ANO10: variants seen among roughly 807,000 people sequenced by gnomAD.
ANO10 encodes the protein anoctamin 10.
A neutral mutation model predicts 74.7 loss-of-function variants in ANO10; 77 were observed. That is an observed-to-expected ratio of 1.03 (90% CI 0.86 to 1.25). ANO10 has a LOEUF of 1.25. Ranked by LOEUF, ANO10 falls within the 50% of genes most tolerant of loss-of-function variation. ANO10 has a pLI of 0.00. For synonymous variants in ANO10, 279 were observed against 284.9 expected, an observed-to-expected ratio of 0.98 and a Z score of 0.21; for missense variants, 721 against 778.1, an observed-to-expected ratio of 0.93 and a Z score of 0.87.
At chr3:43,690,895 C>T (rs886058486) in intron 1 of ANO10, 9 of 1,332,528 alleles carry the variant, frequency 6.8e-6, no homozygotes, top group African/African-American at 1.5e-5. Context: ...CATGCGCTGG[C>T]GGCCTGCGCC....
At chr3:43,691,335 C>G (rs1000879220) in intron 1 of ANO10, 2 of 265,402 alleles carry the variant, frequency 7.5e-6, no homozygotes, top group African/African-American at 4.5e-5. Flanking sequence ...GTATAAGCCA[C>G]CCCGCGGGCC....
intron 1 of ANO10, among the ~76,000 whole-genome samples, chr3:43,681,532 A>T (rs140977196): frequency 0.083 from 12,691 of 152,076 alleles, 726 homozygotes; most frequent in South Asian, 0.21. Context: ...GACAGAAAGT[A>T]AACAAGGATA....
At chr3:43,557,323 T>G (rs894751362) in intron 9 of ANO10, among the ~76,000 whole-genome samples, 3 of 152,088 alleles carry the variant, frequency 2.0e-5, no homozygotes, top group African/African-American at 7.2e-5. Flanking sequence ...GATCAAACAA[T>G]AGATTTACAA....
intron 1 of ANO10, among the ~76,000 whole-genome samples, chr3:43,646,000 GT>G (rs1199787294): frequency 1.3e-5 from 2 of 151,950 alleles, no homozygotes; most frequent in Non-Finnish European, 2.9e-5. Flanking sequence ...GTAAAAAGGG[GT>G]TTTGCCATGT....
rs553753820 is a variant in ANO10 at position 43,618,909 on chromosome 3, C to A, written c.-12+3000G>T. Among the ~76,000 whole-genome samples, 24 of 152,246 alleles carry A rather than the reference C, an allele frequency of 1.6e-4. No homozygotes were observed. The East Asian group carries it at 4.6e-3, about 29-fold the overall frequency. On this transcript the variant is annotated intron_variant, in intron 1 of 12. Coordinates refer to ENST00000292246, the MANE Select transcript of ANO10 (RefSeq NM_018075.5). ...CTCCGCCTCCCGGGTTCACGCCATTCTCCTGCCTCAGCCTCCCGAGTAGCT... is the reference window on the plus strand; with the variant it reads ...CTCCGCCTCCCGGGTTCACGCCATTATCCTGCCTCAGCCTCCCGAGTAGCT...
intron 4 of ANO10, among the ~76,000 whole-genome samples, chr3:43,592,954 G>A (rs1030171542): frequency 6.6e-6 from 1 of 152,198 alleles, no homozygotes; most frequent in Non-Finnish European, 1.5e-5. Flanking sequence ...CAAGAATTAC[G>A]TGATGCATGC....
At chr3:43,373,310 G>C (rs2091684217) in intron 12 of ANO10, among the ~76,000 whole-genome samples, 1 of 152,108 alleles carries the variant, frequency 6.6e-6, no homozygotes, top group Non-Finnish European at 1.5e-5. Flanking sequence ...AGTTACAGCT[G>C]TGTGGGAGGA....
At chr3:43,691,205 C>T in intron 1 of ANO10, 1 of 588,390 alleles carries the variant, frequency 1.7e-6, no homozygotes, top group Non-Finnish European at 2.6e-6. Context: ...CAGAGGCGTC[C>T]CGGCGCCGCT....
At chr3:43,402,624 C>A (rs1011318964) in intron 12 of ANO10, among the ~76,000 whole-genome samples, 6 of 152,162 alleles carry the variant, frequency 3.9e-5, no homozygotes, top group Admixed American at 3.9e-4. Flanking sequence ...TGGTCTTTTC[C>A]CAGGTCATCC....
chr3:43,487,662 A>AT (rs1174920998), intron 11 of ANO10, among the ~76,000 whole-genome samples: 1 of 151,970 alleles, frequency 6.6e-6, no homozygotes, highest in South Asian at 2.1e-4. Context: ...CCCCTTTATC[A>AT]TTTTTTATTG....
intron 1 of ANO10, among the ~76,000 whole-genome samples, chr3:43,651,515 A>AT (rs1170923216): frequency 6.6e-6 from 1 of 152,048 alleles, no homozygotes; most frequent in Non-Finnish European, 1.5e-5. Context: ...AAGAGGGAGT[A>AT]TTTTTTTCTA....
rs1274104955 is a variant in ANO10 at position 43,561,338 on chromosome 3, T to A, written c.1358A>T (p.Tyr453Phe). 6.2e-7 allele frequency: 1 copy of A among 1,613,972 alleles called. No individual in the cohort carries two copies. Among genetic ancestry groups the A allele is most frequent in the Non-Finnish European group, 8.5e-7 (1 of 1,180,006 alleles). ...CACACCATGCTTCCTTTGGAGCCAATAAGGAAGAAAAGATTCCATAATTTG... is the reference window on the plus strand; with the variant it reads ...CACACCATGCTTCCTTTGGAGCCAAAAAGGAAGAAAAGATTCCATAATTTG... ...LNQIMESFLP[Y>F]WLQRKHGVRV... Residue 453 changes from tyrosine (Y) to phenylalanine (F), a missense_variant, in exon 9 of 13, where the codon TAT (tyrosine) becomes TTT (phenylalanine). Tyr to Phe is a conservative substitution (Grantham distance 22). Transcript: ENST00000292246.
intron 1 of ANO10, among the ~76,000 whole-genome samples, chr3:43,683,081 G>T (rs1055879290): frequency 1.2e-4 from 19 of 152,102 alleles, no homozygotes; most frequent in Non-Finnish European, 2.5e-4. Flanking sequence ...TTCTGGCCAG[G>T]GCAATCAGGC....
At chr3:43,429,652 T>C (rs2092951524) in intron 12 of ANO10, among the ~76,000 whole-genome samples, 1 of 152,188 alleles carries the variant, frequency 6.6e-6, no homozygotes, top group Admixed American at 6.5e-5. Flanking sequence ...CACGCATTTT[T>C]AAACTGACAC....
At chr3:43,396,203 G>A (rs1181113406) in intron 12 of ANO10, among the ~76,000 whole-genome samples, 1 of 152,040 alleles carries the variant, frequency 6.6e-6, no homozygotes, top group African/African-American at 2.4e-5. Context: ...TCATCACTAA[G>A]TATGACACCA....
chr3:43,646,330 TGAG>T (rs1403354756), intron 1 of ANO10, among the ~76,000 whole-genome samples: 1 of 152,194 alleles, frequency 6.6e-6, no homozygotes, highest in Non-Finnish European at 1.5e-5. Flanking sequence ...GCAGGGATGA[TGAG>T]GAGGAGGGAG....
In ANO10 at chr3:43,428,796, C is replaced by CAAAAAAAAAAAAAAAA. The variant is rs56213626; in HGVS notation, c.1914+3799_1914+3814dup. Among the ~76,000 whole-genome samples, 23 of 55,442 alleles carry CAAAAAAAAAAAAAAAA rather than the reference C, an allele frequency of 4.1e-4. 4 individuals carry two copies. Among genetic ancestry groups the CAAAAAAAAAAAAAAAA allele is most frequent in the South Asian group, 1.6e-3 (2 of 1,244 alleles). 36.4% of individuals were successfully genotyped at this position (55,442 alleles called of 152,430 possible). The stretch of plus-strand genomic sequence containing the variant: ...CCAAAATCCTGAAACTTTGTGAATG[C>CAAAAAAAAAAAAAAAA]AAAAAAAAAAAAAAAAAAAAAAGTC... On this transcript the variant is annotated intron_variant, in intron 12 of 12. Coordinates refer to ENST00000292246, the MANE Select transcript of ANO10 (RefSeq NM_018075.5).
intron 2 of ANO10, among the ~76,000 whole-genome samples, chr3:43,601,511 T>C (rs1017001378): frequency 7.9e-5 from 12 of 152,240 alleles, no homozygotes; most frequent in Middle Eastern, 3.2e-3. Flanking sequence ...CTTTTAAAGG[T>C]ACATTTATTT....
chr3:43,551,948 G>GTA (rs2079483288), intron 10 of ANO10, among the ~76,000 whole-genome samples: 1 of 152,194 alleles, frequency 6.6e-6, no homozygotes, highest in African/African-American at 2.4e-5. Flanking sequence ...ATGTTAGGAT[G>GTA]TACGGCTGGT....
Sources: gnomAD v4.1 joint callset for allele counts (sites outside exome capture counted in the v4.1 genomes callset) on GRCh38, gnomAD v4.1.1 for gene constraint, MANE v1.5 for transcripts, NCBI Gene and HGNC (gene_info 2026-07-23, HGNC 2026-07-21) for gene names.